KCNH8: variants seen among roughly 807,000 people sequenced by gnomAD.
The protein encoded by KCNH8 is potassium voltage-gated channel subfamily H member 8.
In KCNH8, 70 loss-of-function variants were observed where a neutral mutation model predicts 103.6. The ratio of observed to expected loss-of-function variants is 0.68; its 90% CI spans 0.56 to 0.82. The LOEUF (loss-of-function observed/expected upper bound fraction) is 0.82. KCNH8 is among the 40% of genes least tolerant of loss of function. The probability of loss-of-function intolerance (pLI) is 0.00; values close to 1 mark genes in which losing one functional copy is unlikely to be tolerated. For missense variants in KCNH8, 1,217 were observed against 1,329.9 expected (o/e 0.92, Z 1.32); for synonymous variants, 498 against 489.4 (o/e 1.02, Z -0.23).
At chr3:19,171,423 A>T (rs2063347584) in intron 1 of KCNH8, among the ~76,000 whole-genome samples, 1 of 152,214 alleles carries the variant, frequency 6.6e-6, no homozygotes, top group East Asian at 1.9e-4. Flanking sequence ...GACTAGAGGT[A>T]TAAAAACTAA....
intron 3 of KCNH8, among the ~76,000 whole-genome samples, chr3:19,327,392 C>A (rs1401679411): frequency 1.3e-5 from 2 of 152,258 alleles, no homozygotes; most frequent in Admixed American, 1.3e-4. Context: ...TAGGTTCAAG[C>A]AACTCTCCTG....
chr3:19,477,184 T>C (rs887276969), intron 11 of KCNH8, among the ~76,000 whole-genome samples: 1 of 152,170 alleles, frequency 6.6e-6, no homozygotes, highest in Admixed American at 6.6e-5. Flanking sequence ...ATTGTACATA[T>C]TTATTGAGCA....
chr3:19,483,461 G>C (rs1365434944), intron 11 of KCNH8, among the ~76,000 whole-genome samples: 1 of 152,016 alleles, frequency 6.6e-6, no homozygotes, highest in Non-Finnish European at 1.5e-5. Context: ...ACTAGAAATT[G>C]TCAGGGTGAT....
Position 19,347,982 on chromosome 3 carries a change from G to T in KCNH8, c.811+17G>T, listed in dbSNP as rs2065750662. ...TTATTATAGGTAAGAACAAACAGCT[G>T]CTTTCCTACGATATTTGCATATGAG... is the stretch of plus-strand genomic sequence containing the variant. On this transcript the variant is annotated intron_variant, in intron 5 of 15. Coordinates refer to ENST00000328405, the MANE Select transcript of KCNH8 (RefSeq NM_144633.3). 6.2e-7 allele frequency: 1 copy of T among 1,608,050 alleles called. No individual in the cohort carries two copies. The highest frequency in any genetic ancestry group is 8.5e-7 in the Non-Finnish European group (1 of 1,176,470).
intron 1 of KCNH8, among the ~76,000 whole-genome samples, chr3:19,205,419 A>G (rs1007923120): frequency 6.6e-6 from 1 of 152,082 alleles, no homozygotes; most frequent in Admixed American, 6.6e-5. Flanking sequence ...CTTCAGGTGT[A>G]TATAGTCAGT....
At chr3:19,230,838 C>T (rs1049322315) in intron 1 of KCNH8, among the ~76,000 whole-genome samples, 8 of 152,172 alleles carry the variant, frequency 5.3e-5, no homozygotes, top group African/African-American at 1.4e-4. Context: ...ACAATGCTTT[C>T]GTTCTTCGGA....
At chr3:19,173,282 T>C (rs147197248) in intron 1 of KCNH8, among the ~76,000 whole-genome samples, 1 of 152,312 alleles carries the variant, frequency 6.6e-6, no homozygotes, top group African/African-American at 2.4e-5. Flanking sequence ...CCCTGAGCAC[T>C]GGACCGGCAA....
At chr3:19,195,287 C>A (rs1298609723) in intron 1 of KCNH8, among the ~76,000 whole-genome samples, 4 of 151,914 alleles carry the variant, frequency 2.6e-5, no homozygotes, top group Non-Finnish European at 5.9e-5. Flanking sequence ...GTTAATAATT[C>A]CCCTTGCTGG....
chr3:19,255,409 A>G (rs972279462), intron 2 of KCNH8, among the ~76,000 whole-genome samples: 4 of 152,140 alleles, frequency 2.6e-5, no homozygotes, highest in Non-Finnish European at 5.9e-5. Context: ...GTCATGTGCA[A>G]ACAGAGACAG....
At position 19,342,685 on chromosome 3, in the gene KCNH8, A is replaced by G. The variant is rs1391398991; in HGVS notation, c.541A>G (p.Arg181Gly). 2 of 1,610,092 alleles carry G rather than the reference A, an allele frequency of 1.2e-6. No homozygotes were observed. Among genetic ancestry groups the G allele is most frequent in the Non-Finnish European group, 1.7e-6 (2 of 1,177,170 alleles). ...TCACATCTCTGGGCACCTGCAAAGA[A>G]GAGAAAAGAACAAATTGAAAATAAA... ...LYHISGHLQR[R>G]EKNKLKINNN... is the part of the protein sequence containing the mutation. The change falls in exon 4 of 16, where the codon AGA becomes GGA. Residue 181 changes from arginine to glycine, a missense_variant. This residue lies in a region of KCNH8 where 244 missense variants were observed against 256.8 expected (regional missense o/e 0.95). Transcript: ENST00000328405.
At chr3:19,449,131 C>T in intron 8 of KCNH8, 1 of 321,622 alleles carries the variant, frequency 3.1e-6, no homozygotes, top group South Asian at 2.7e-5. Flanking sequence ...AGAAGAAATA[C>T]CCACCCTAAA....
intron 10 of KCNH8, among the ~76,000 whole-genome samples, chr3:19,454,280 T>C (rs1039293381): frequency 6.6e-6 from 1 of 151,854 alleles, no homozygotes; most frequent in African/African-American, 2.4e-5. Context: ...CCCTATCATC[T>C]TGTGATTCTA....
intron 11 of KCNH8, among the ~76,000 whole-genome samples, chr3:19,505,013 TAATA>T (rs1042678540): frequency 6.6e-6 from 1 of 150,700 alleles, no homozygotes; most frequent in Non-Finnish European, 1.5e-5. Flanking sequence ...CACATTCATA[TAATA>T]TATATGTATG....
At chr3:19,437,232 C>A (rs374479860) in intron 7 of KCNH8, among the ~76,000 whole-genome samples, 13 of 150,190 alleles carry the variant, frequency 8.7e-5, no homozygotes, top group East Asian at 4.1e-4. Flanking sequence ...TTGCTTGTTG[C>A]AACACACACA....
At chr3:19,480,971 T>C (rs1466486394) in intron 11 of KCNH8, among the ~76,000 whole-genome samples, 2 of 152,166 alleles carry the variant, frequency 1.3e-5, no homozygotes, top group African/African-American at 4.8e-5. Flanking sequence ...ATCAACTGAC[T>C]GTGGCTGAGA....
intron 1 of KCNH8, among the ~76,000 whole-genome samples, chr3:19,205,906 C>G (rs559539164): frequency 4.6e-4 from 70 of 151,580 alleles, no homozygotes; most frequent in African/African-American, 1.6e-3. Flanking sequence ...TTTAGTGCAC[C>G]CATTACCTGA....
chr3:19,335,427 G>GTGTA (rs10662204), intron 3 of KCNH8, among the ~76,000 whole-genome samples: 1 of 147,820 alleles, frequency 6.8e-6, no homozygotes, highest in African/African-American at 2.5e-5. Flanking sequence ...ATATGTGTGT[G>GTGTA]TATATATATG....
At chr3:19,403,785 C>A (rs1229794474) in intron 7 of KCNH8, among the ~76,000 whole-genome samples, 1 of 151,868 alleles carries the variant, frequency 6.6e-6, no homozygotes, top group East Asian at 1.9e-4. Context: ...AAGTGTTAAG[C>A]AGCTAATACT....
chr3:19,156,005 A>G (rs896511221), intron 1 of KCNH8, among the ~76,000 whole-genome samples: 1 of 152,152 alleles, frequency 6.6e-6, no homozygotes, highest in Non-Finnish European at 1.5e-5. Flanking sequence ...CTGAGTATTA[A>G]TTATATTTAT....
Sources: allele counts gnomAD v4.1 joint callset (sites outside exome capture counted in the v4.1 genomes callset), GRCh38; gene constraint gnomAD v4.1.1; regional missense constraint gnomAD v4.1.1; transcripts MANE v1.5; gene names NCBI Gene and HGNC (gene_info 2026-07-23, HGNC 2026-07-21).